The following CCSAP variants were observed in gnomAD, a reference collection of about 807,000 sequenced individuals.
The protein encoded by CCSAP is centriole, cilia and spindle-associated protein.
CCSAP carries 17 observed loss-of-function variants against 25.9 expected under a neutral mutation model. That is an observed-to-expected ratio of 0.66 (90% CI 0.45 to 0.99). The LOEUF (loss-of-function observed/expected upper bound fraction) is 0.99, where lower values mean the gene tolerates loss of function less well. Among genes scored for constraint, CCSAP ranks in the 50% least tolerant of loss-of-function variants. CCSAP has a pLI of 0.00. For synonymous variants in CCSAP, 169 were observed against 157.1 expected, an observed-to-expected ratio of 1.08 and a Z score of -0.57; for missense variants, 339 against 367.8, an observed-to-expected ratio of 0.92 and a Z score of 0.64.
At position 229,342,383 on chromosome 1, in the gene CCSAP, C is replaced by T. The variant is rs371974930; in HGVS notation, c.83G>A (p.Arg28His). Residue 28 changes from arginine to histidine, a missense_variant, in exon 2 of 4, where the codon CGC becomes CAC. Physicochemically the swap from Arg to His is conservative, Grantham distance 29 (BLOSUM62 0). Transcript: ENST00000284617. The surrounding 1 kb of genome is among the most constrained non-coding windows in gnomAD (Gnocchi z 7.5). ...PRWEEYGPCY[R>H]ELLHYRLGRR... is the part of the protein sequence containing the mutation. ...GCCTAGGCGGTAGTGCAGCAGCTCG[C>T]GGTAGCACGGCCCGTACTCCTCCCA... The T allele has an allele frequency of 6.7e-7, 1 of 1,503,528 alleles. No individual in the cohort carries two copies. The highest frequency in any genetic ancestry group is 8.9e-7 in the Non-Finnish European group (1 of 1,123,758). The allele number at this position is 1,503,528 out of a possible 1,614,324, so 93.1% of individuals were successfully genotyped here.
At chr1:229,341,193 C>CAAAAAAAAAAA (rs71561730) in intron 2 of CCSAP, among the ~76,000 whole-genome samples, 4 of 91,110 alleles carry the variant, frequency 4.4e-5, no homozygotes, top group African/African-American at 1.4e-4. Flanking sequence ...GACTCCGTCT[C>CAAAAAAAAAAA]AAAAAAAAAA....
intron 3 of CCSAP, among the ~76,000 whole-genome samples, chr1:229,326,226 A>G (rs1455535497): frequency 6.6e-6 from 1 of 152,218 alleles, no homozygotes; most frequent in African/African-American, 2.4e-5. Context: ...TTTGTTATGG[A>G]TGAACAGGGG....
Position 229,337,670 on chromosome 1 carries a change from CA to C in CCSAP, c.367+4428del, listed in dbSNP as rs539736168. Among the ~76,000 whole-genome samples, 27 of 56,070 alleles carry C rather than the reference CA, an allele frequency of 4.8e-4. 3 individuals are homozygous for C. The highest frequency in any genetic ancestry group is 8.2e-4 in the Non-Finnish European group (23 of 27,988). 36.8% of individuals were successfully genotyped at this position (56,070 alleles called of 152,430 possible). ...CTAGACTGGAACAAGATCAAAGGCT[CA>C]AAAAAAAATATATATATATATATAT... On this transcript the variant is annotated intron_variant, in intron 2 of 3. Transcript: ENST00000284617.
intron 2 of CCSAP, among the ~76,000 whole-genome samples, chr1:229,331,832 T>TTATTC (rs1558250521): frequency 1.0e-5 from 1 of 96,932 alleles, no homozygotes; most frequent in Non-Finnish European, 2.2e-5. Context: ...TATTATTATT[T>TTATTC]TGAGACAGAA....
At chr1:229,328,080 T>C (rs1474982092) in intron 2 of CCSAP, among the ~76,000 whole-genome samples, 4 of 152,226 alleles carry the variant, frequency 2.6e-5, no homozygotes, top group Non-Finnish European at 4.4e-5. Context: ...TTACCTTTTA[T>C]GATTTTCCTG....
At chr1:229,327,665 C>T (rs557951430) in intron 2 of CCSAP, 102 of 442,678 alleles carry the variant, frequency 2.3e-4, no homozygotes, top group South Asian at 1.5e-3. Flanking sequence ...GTCAGGAGAT[C>T]GAGACCATCC....
rs547593670 is a variant in CCSAP, at chr1:229,322,807, CATT to C, written c.*2425_*2427del. The C allele has an allele frequency of 1.3e-5, 2 of 152,172 alleles. No individual in the cohort carries two copies. Among genetic ancestry groups the C allele is most frequent in the East Asian group, 1.9e-4 (1 of 5,202 alleles). The allele number at this position is 152,172 out of a possible 1,614,324, so 9.4% of individuals were successfully genotyped here. ...ACAAAATCAAAAAGCATATTTATGACATTGTTTTAATTAAGTTAAAATCAAAAT... is the reference window on the plus strand; with the variant it reads ...ACAAAATCAAAAAGCATATTTATGACGTTTTAATTAAGTTAAAATCAAAAT... On this transcript the variant is annotated 3_prime_UTR_variant, in exon 4 of 4. Transcript: ENST00000284617.
At position 229,342,388 on chromosome 1, in the gene CCSAP, G is replaced by A. The variant is rs2102701331; in HGVS notation, c.78C>T (p.Cys26=). 1 of 1,503,332 alleles carries A rather than the reference G, an allele frequency of 6.7e-7. No individual in the cohort carries two copies. Among genetic ancestry groups the A allele is most frequent in the Non-Finnish European group, 8.9e-7 (1 of 1,123,576 alleles). The allele number at this position is 1,503,332 out of a possible 1,614,324, so 93.1% of individuals were successfully genotyped here. ...QEPRWEEYGP[C]YRELLHYRLG... is the part of the protein sequence containing the mutation. ...GGCGGTAGTGCAGCAGCTCGCGGTA[G>A]CACGGCCCGTACTCCTCCCAGCGCG... Residue 26 remains cysteine, a synonymous_variant, in exon 2 of 4, where the codon TGC becomes TGT. Transcript: ENST00000284617. This position sits in a 1 kb window ranked among gnomAD's most constrained non-coding sequence, Gnocchi z 7.5.
Position 229,342,415 on chromosome 1 carries a change from C to A in CCSAP, c.51G>T (p.Glu17Asp). The change falls in exon 2 of 4, where the codon GAG becomes GAT. Residue 17 changes from glutamate (E) to aspartate (D), a missense_variant. Physicochemically the swap from Glu to Asp is conservative, Grantham distance 45 (BLOSUM62 2). Transcript: ENST00000284617. The surrounding 1 kb of genome is among the most constrained non-coding windows in gnomAD (Gnocchi z 7.5). The stretch of plus-strand genomic sequence containing the variant: ...ACGGCCCGTACTCCTCCCAGCGCGG[C>A]TCCTGGTAGCGCTTCATGTACTCGC... ...VKSEYMKRYQ[E>D]PRWEEYGPCY... 3 of 1,446,216 alleles carry A rather than the reference C, an allele frequency of 2.1e-6. No homozygotes were observed. 89.6% of individuals were successfully genotyped at this position (1,446,216 alleles called of 1,614,324 possible).
In CCSAP at chr1:229,324,484, CT is replaced by C. The variant is rs1657895874; in HGVS notation, c.*750del. 6.7e-6 allele frequency: 1 copy of C among 149,412 alleles called. No individual in the cohort carries two copies. The highest frequency in any genetic ancestry group is 6.7e-5 in the Admixed American group (1 of 14,986). 9.3% of individuals were successfully genotyped at this position (149,412 alleles called of 1,614,324 possible). ...TGAGTCTTTGACTACTCAAAAGAAA[CT>C]TTACTACTACTGTACACACATATTG... On this transcript the variant is annotated 3_prime_UTR_variant, in exon 4 of 4. Coordinates refer to ENST00000284617, the MANE Select transcript of CCSAP (RefSeq NM_145257.5).
rs1658281385 is a variant in CCSAP, at chr1:229,339,533, CA to C, written c.367+2565del. ...TGTGCTCCACCAAGAAGGGGTAAAC[CA>C]AGAAAGAAAATGACATGAAAGGCAC... On this transcript the variant is annotated intron_variant, in intron 2 of 3. Transcript: ENST00000284617. Among the ~76,000 whole-genome samples the C allele has an allele frequency of 3.9e-5, 6 of 151,910 alleles. No individual in the cohort carries two copies. In the South Asian group the frequency reaches 1.0e-3, roughly 26 times the overall value.
intron 2 of CCSAP, among the ~76,000 whole-genome samples, chr1:229,337,563 C>A: frequency 1.3e-5 from 2 of 149,236 alleles, no homozygotes; most frequent in African/African-American, 2.5e-5. Context: ...TTGAGATGTG[C>A]AAGGCAGGGG....
intron 2 of CCSAP, among the ~76,000 whole-genome samples, chr1:229,334,112 C>A (rs1184682022): frequency 1.3e-5 from 2 of 151,936 alleles, no homozygotes; most frequent in Non-Finnish European, 2.9e-5. Flanking sequence ...ACTCTGTCAC[C>A]CAGGCTGGAG....
chr1:229,337,214 G>T (rs1245387350), intron 2 of CCSAP, among the ~76,000 whole-genome samples: 3 of 151,812 alleles, frequency 2.0e-5, no homozygotes, highest in African/African-American at 4.8e-5. Flanking sequence ...CAAAATTTCA[G>T]AACACCTCCT....
chr1:229,342,259 G>A lies in CCSAP; in HGVS notation c.207C>T (p.Ala69=). 1 of 1,285,648 alleles carries A rather than the reference G, an allele frequency of 7.8e-7. No homozygotes were observed. The highest frequency in any genetic ancestry group is 9.8e-7 in the Non-Finnish European group (1 of 1,019,600). 79.6% of individuals were successfully genotyped at this position (1,285,648 alleles called of 1,614,324 possible). The change falls in exon 2 of 4, where the codon GCC becomes GCT. Residue 69 remains alanine, a synonymous_variant. Transcript: ENST00000284617. The surrounding 1 kb of genome is among the most constrained non-coding windows in gnomAD (Gnocchi z 7.5). ...EDSASSESSG[A]GGPAPRCAPP... is the part of the protein sequence containing the mutation. The stretch of plus-strand genomic sequence containing the variant: ...GGGCGCACCGGGGTGCGGGGCCCCC[G>A]GCGCCCGACGACTCTGACGACGCCG...
chr1:229,339,769 A>G (rs1658286470), intron 2 of CCSAP, among the ~76,000 whole-genome samples: 1 of 152,190 alleles, frequency 6.6e-6, no homozygotes, highest in Non-Finnish European at 1.5e-5. Context: ...AAAAAAGGGA[A>G]TCATGGGAAA....
intron 2 of CCSAP, among the ~76,000 whole-genome samples, chr1:229,336,809 A>G (rs2102697776): frequency 6.6e-6 from 1 of 152,158 alleles, no homozygotes; most frequent in East Asian, 1.9e-4. Context: ...TTTTCTTTGT[A>G]GGTTAAAAGA....
At chr1:229,339,569 A>T (rs1486143956) in intron 2 of CCSAP, among the ~76,000 whole-genome samples, 1 of 152,032 alleles carries the variant, frequency 6.6e-6, no homozygotes, top group Non-Finnish European at 1.5e-5. Context: ...CACGACAGAG[A>T]CTCAAACCCA....
intron 2 of CCSAP, among the ~76,000 whole-genome samples, chr1:229,341,211 AAG>A (rs1658325603): frequency 6.6e-6 from 1 of 151,848 alleles, no homozygotes; most frequent in Admixed American, 6.6e-5. Context: ...AAAAAAAAAA[AAG>A]ATTACAACAT....
Sources: gnomAD v4.1 joint callset for allele counts (sites outside exome capture counted in the v4.1 genomes callset) on GRCh38, gnomAD v4.1.1 for gene constraint, Gnocchi (gnomAD v3.1) non-coding constraint, MANE v1.5 for transcripts, NCBI Gene and HGNC (gene_info 2026-07-23, HGNC 2026-07-21) for gene names.